PDILT: variants seen among roughly 807,000 people sequenced by gnomAD.
The protein encoded by PDILT is protein disulfide-isomerase-like protein of the testis.
Under a neutral mutation model 53.7 loss-of-function variants are expected in PDILT, and 43 were observed. The observed-to-expected ratio is 0.80, with a 90% CI of 0.63 to 1.03. PDILT has a LOEUF of 1.03. PDILT is among the 50% of genes least tolerant of loss of function. The probability of loss-of-function intolerance (pLI) is 0.00; values close to 1 mark genes in which losing one functional copy is unlikely to be tolerated. For synonymous variants in PDILT, 282 were observed against 274.2 expected, an observed-to-expected ratio of 1.03 and a Z score of -0.28; for missense variants, 727 against 712.3, an observed-to-expected ratio of 1.02 and a Z score of -0.24.
chr16:20,373,829 G>A (rs12447390), intron 5 of PDILT, among the ~76,000 whole-genome samples: 72 of 152,324 alleles, frequency 4.7e-4, no homozygotes, highest in Admixed American at 3.8e-3. Context: ...GGCTTTGCTG[G>A]AGTCTGTCTG....
chr16:20,387,958 A>G (rs1966562014), intron 2 of PDILT, among the ~76,000 whole-genome samples: 1 of 152,194 alleles, frequency 6.6e-6, no homozygotes, highest in Non-Finnish European at 1.5e-5. Flanking sequence ...GTCGGAGGCT[A>G]CTACAGTAAT....
intron 1 of PDILT, among the ~76,000 whole-genome samples, chr16:20,401,443 A>T (rs1555492535): frequency 6.6e-6 from 1 of 152,218 alleles, no homozygotes; most frequent in Non-Finnish European, 1.5e-5. Context: ...AGTCACTTGA[A>T]TAACCCCTCC....
chr16:20,372,232 C>T (rs1485230436), intron 7 of PDILT, among the ~76,000 whole-genome samples: 2 of 152,200 alleles, frequency 1.3e-5, no homozygotes, highest in Admixed American at 6.5e-5. Flanking sequence ...CTAATTCTTA[C>T]TACAACAGTC....
chr16:20,371,763 G>A (rs1211956764), intron 7 of PDILT, among the ~76,000 whole-genome samples: 2 of 151,814 alleles, frequency 1.3e-5, no homozygotes, highest in East Asian at 1.9e-4. Context: ...TGTAAAATAG[G>A]AGAAACAGAG....
chr16:20,384,779 C>A lies in PDILT; in HGVS notation c.275G>T (p.Gly92Val). The change falls in exon 3 of 12, where the codon GGC (glycine) becomes GTC (valine). Residue 92 changes from glycine to valine, a missense_variant. Coordinates refer to ENST00000302451, the MANE Select transcript of PDILT (RefSeq NM_174924.2). ...LGKAVEIMGK[G>V]KNGIGFGKVD... is the part of the protein sequence containing the mutation. Reference sequence around the variant, plus strand: ...TTTGCCAAAGCCGATCCCATTCTTGCCTTTGCCCATGATCTCCACAGCTTT... The same window carrying A: ...TTTGCCAAAGCCGATCCCATTCTTGACTTTGCCCATGATCTCCACAGCTTT... 6.2e-7 allele frequency: 1 copy of A among 1,614,136 alleles called. No individual in the cohort carries two copies. Among genetic ancestry groups the A allele is most frequent in the South Asian group, 1.1e-5 (1 of 91,070 alleles).
rs141451021 is a variant in PDILT, at chr16:20,391,321, A to G, written c.203-6470T>C. Among the ~76,000 whole-genome samples, 202 of 151,676 alleles carry G rather than the reference A, an allele frequency of 1.3e-3. 2 individuals are homozygous for G. Among genetic ancestry groups the G allele is most frequent in the East Asian group, 0.012 (64 of 5,158 alleles). ...CGCCATTGTCATCATCACCACTATA[A>G]TTAATAATCATTACCATCACCATCA... On this transcript the variant is annotated intron_variant, in intron 2 of 11. Transcript: ENST00000302451.
chr16:20,373,244 G>T, intron 5 of PDILT, 122 bp from the exon 6 acceptor site: 1 of 810,820 alleles, frequency 1.2e-6, no homozygotes. Context: ...GGTATCAGGT[G>T]TAGTCTGTAA....
intron 2 of PDILT, among the ~76,000 whole-genome samples, chr16:20,395,881 A>T (rs183720828): frequency 7.5e-4 from 114 of 152,304 alleles, no homozygotes; most frequent in Non-Finnish European, 1.0e-3. Flanking sequence ...CCATGAGTAG[A>T]AGCAGCTCGA....
intron 2 of PDILT, among the ~76,000 whole-genome samples, chr16:20,398,567 G>A (rs1346039451): frequency 6.6e-6 from 1 of 152,168 alleles, no homozygotes; most frequent in East Asian, 1.9e-4. Flanking sequence ...GGAGGTGGAG[G>A]TTGCAGTGAG....
In PDILT at chr16:20,381,461, C is replaced by T. The variant is rs576400492; in HGVS notation, c.409+3184G>A. On this transcript the variant is annotated intron_variant, in intron 3 of 11. Coordinates refer to ENST00000302451, the MANE Select transcript of PDILT (RefSeq NM_174924.2). ...ACCATCCTGGCCAACATGGTGAAACCCCATCTCTACTAAAAATACTAAAAA... is the reference window on the plus strand; with the variant it reads ...ACCATCCTGGCCAACATGGTGAAACTCCATCTCTACTAAAAATACTAAAAA... Among the ~76,000 whole-genome samples the T allele has an allele frequency of 2.6e-5, 4 of 151,870 alleles. No homozygotes were observed. In the East Asian group the frequency reaches 7.8e-4, roughly 30 times the overall value.
At position 20,374,843 on chromosome 16, in the gene PDILT, G is replaced by A. The variant is rs938285137; in HGVS notation, c.660C>T (p.Asp220=). The A allele has an allele frequency of 1.2e-6, 2 of 1,613,824 alleles. No homozygotes were observed. The highest frequency in any genetic ancestry group is 2.7e-5 in the African/African-American group (2 of 74,938). The change falls in exon 5 of 12, where the codon GAC becomes GAT. Residue 220 remains aspartate, a synonymous_variant. Coordinates refer to ENST00000302451, the MANE Select transcript of PDILT (RefSeq NM_174924.2). ...CTACCTTTTTGAACACCAGGACGCT[G>A]TCAAGGGTGACGTGGAAACGCCCAA... The part of the protein sequence containing the change: ...NVIGRFHVTL[D]SVLVFKKGKI...
chr16:20,386,167 AC>A (rs888599159), intron 2 of PDILT, among the ~76,000 whole-genome samples: 5 of 151,798 alleles, frequency 3.3e-5, no homozygotes, highest in African/African-American at 1.2e-4. Context: ...GTGGGGAGGG[AC>A]TGGGGAAGCC....
intron 1 of PDILT, among the ~76,000 whole-genome samples, chr16:20,400,267 G>C (rs552706216): frequency 5.1e-4 from 78 of 152,008 alleles, no homozygotes; most frequent in African/African-American, 1.8e-3. Context: ...TAGAGATGGG[G>C]TTCCACCATG....
intron 3 of PDILT, among the ~76,000 whole-genome samples, chr16:20,376,945 T>C (rs1055814377): frequency 1.2e-4 from 18 of 152,224 alleles, no homozygotes; most frequent in African/African-American, 4.3e-4. Context: ...TAATGTAAAA[T>C]ATTATATATT....
chr16:20,372,894 T>A lies in PDILT; in HGVS notation c.826A>T (p.Ser276Cys). The change falls in exon 7 of 12, where the codon AGT becomes TGT. Residue 276 changes from serine (S) to cysteine (C), a missense_variant. Transcript: ENST00000302451. ...TTGGAGACAAACAGCAGCATGTGACTCATGATGTGCAACTCGGAAATCAGA... is the reference window on the plus strand; with the variant it reads ...TTGGAGACAAACAGCAGCATGTGACACATGATGTGCAACTCGGAAATCAGA... ...KDLISELHIM[S>C]HMLLFVSKSS... 6.2e-7 allele frequency: 1 copy of A among 1,614,100 alleles called. No individual in the cohort carries two copies. Among genetic ancestry groups the A allele is most frequent in the Non-Finnish European group, 8.5e-7 (1 of 1,179,970 alleles).
At chr16:20,385,183 A>T (rs1329223374) in intron 2 of PDILT, among the ~76,000 whole-genome samples, 1 of 152,214 alleles carries the variant, frequency 6.6e-6, no homozygotes, top group African/African-American at 2.4e-5. Flanking sequence ...GTTAAATGAG[A>T]TTTATGTCAC....
chr16:20,382,526 T>C (rs899375796), intron 3 of PDILT, among the ~76,000 whole-genome samples: 19 of 152,224 alleles, frequency 1.2e-4, no homozygotes, highest in African/African-American at 3.9e-4. Flanking sequence ...AAACATTTGC[T>C]GACTCCACCA....
intron 2 of PDILT, chr16:20,385,943 G>T (rs367956670): frequency 6.6e-6 from 1 of 152,184 alleles, no homozygotes; most frequent in Non-Finnish European, 1.5e-5. Flanking sequence ...CTGGTGGAAC[G>T]TCCTGGAGCT....
At chr16:20,365,666 GT>G (rs1415336074) in intron 8 of PDILT, 126 bp from the exon 9 acceptor site, 3 of 1,224,170 alleles carry the variant, frequency 2.5e-6, no homozygotes, top group Admixed American at 2.2e-5. Flanking sequence ...TTAGGAAAGG[GT>G]TTGAAATACT....
Sources: allele counts gnomAD v4.1 joint callset (sites outside exome capture counted in the v4.1 genomes callset), GRCh38; gene constraint gnomAD v4.1.1; transcripts MANE v1.5; gene names NCBI Gene and HGNC (gene_info 2026-07-23, HGNC 2026-07-21).